Variants in ROBO2 observed in about 807,000 individuals in gnomAD.
The protein encoded by ROBO2 is roundabout guidance receptor 2.
A neutral mutation model predicts 160.8 loss-of-function variants in ROBO2; 53 were observed. The observed-to-expected ratio is 0.33, with a 90% confidence interval of 0.26 to 0.41. The LOEUF (loss-of-function observed/expected upper bound fraction) is 0.41, where lower values mean the gene tolerates loss of function less well. Ranked by LOEUF, ROBO2 falls within the 10% of genes least tolerant of loss-of-function variation. The pLI is 1.00. For synonymous variants in ROBO2, 664 were observed against 611.7 expected (o/e 1.09, Z -1.26); for missense variants, 1,577 against 1,722.4 (o/e 0.92, Z 1.49).
chr3:76,685,823 AT>A (rs1384227393), intron 2 of ROBO2, among the ~76,000 whole-genome samples: 1 of 152,186 alleles, frequency 6.6e-6, no homozygotes, highest in African/African-American at 2.4e-5. Flanking sequence ...ACAATGAATA[AT>A]AATGGAGGTA....
At chr3:76,281,167 TCCACATGTGGGAATACTACCAATTC>T (rs1304981525) in intron 2 of ROBO2, among the ~76,000 whole-genome samples, 4 of 151,514 alleles carry the variant, frequency 2.6e-5, no homozygotes, top group Non-Finnish European at 4.4e-5. Flanking sequence ...GCTATGCCAA[TCCACATGTGGGAATACTACCAATTC>T]CCACATGTGG....
intron 5 of ROBO2, among the ~76,000 whole-genome samples, chr3:77,497,553 G>A (rs961715936): frequency 3.3e-5 from 5 of 152,182 alleles, no homozygotes; most frequent in Admixed American, 2.6e-4. Context: ...ATTGGGTGAC[G>A]TGGGAAAGTA....
At chr3:77,171,867 C>G (rs1339462386) in intron 2 of ROBO2, among the ~76,000 whole-genome samples, 1 of 152,110 alleles carries the variant, frequency 6.6e-6, no homozygotes, top group South Asian at 2.1e-4. Flanking sequence ...CAAAGCCTAC[C>G]TTAATGTGTA....
chr3:77,607,838 T>C (rs2094554767), exon 21 of ROBO2: 1 of 1,613,998 alleles, frequency 6.2e-7, no homozygotes, highest in Non-Finnish European at 8.5e-7. Flanking sequence ...AAAACTCTTC[T>C]AAACCACAGA....
intron 2 of ROBO2, among the ~76,000 whole-genome samples, chr3:76,329,041 C>G (rs1024938218): frequency 2.0e-5 from 3 of 151,546 alleles, no homozygotes; most frequent in African/African-American, 7.3e-5. Context: ...TCCAGGGTCC[C>G]CAAAGGAGGC....
intron 2 of ROBO2, among the ~76,000 whole-genome samples, chr3:77,352,816 G>A (rs1050417518): frequency 1.3e-5 from 2 of 152,098 alleles, no homozygotes; most frequent in African/African-American, 2.4e-5. Context: ...CCCCAGATGT[G>A]GGAAGTTACT....
intron 2 of ROBO2, among the ~76,000 whole-genome samples, chr3:77,362,254 A>G (rs1055751917): frequency 1.3e-5 from 2 of 152,136 alleles, no homozygotes; most frequent in African/African-American, 4.8e-5. Context: ...GGATTTTGCA[A>G]TGGGGGAGAG....
intron 2 of ROBO2, among the ~76,000 whole-genome samples, chr3:76,171,547 G>C (rs933412729): frequency 6.6e-6 from 1 of 152,030 alleles, no homozygotes; most frequent in African/African-American, 2.4e-5. Flanking sequence ...TCAAAGGACC[G>C]GGAAGAAGGG....
intron 2 of ROBO2, among the ~76,000 whole-genome samples, chr3:76,494,236 AG>A (rs1211899801): frequency 1.3e-5 from 2 of 152,204 alleles, no homozygotes; most frequent in African/African-American, 4.8e-5. Flanking sequence ...TTCATGTGTA[AG>A]GGAGGCAAAA....
chr3:76,695,664 A>G (rs993395315), intron 2 of ROBO2, among the ~76,000 whole-genome samples: 10 of 152,168 alleles, frequency 6.6e-5, no homozygotes, highest in Middle Eastern at 3.2e-3. Flanking sequence ...ACCAAGTCCT[A>G]TTCCAAAAAC....
intron 5 of ROBO2, among the ~76,000 whole-genome samples, chr3:77,500,635 T>A (rs1040105770): frequency 1.3e-5 from 2 of 152,192 alleles, no homozygotes; most frequent in Non-Finnish European, 2.9e-5. Context: ...ACAGTTCAAG[T>A]TTACCTTCTT....
chr3:77,258,549 G>A (rs1019390887), intron 2 of ROBO2, among the ~76,000 whole-genome samples: 3 of 151,644 alleles, frequency 2.0e-5, no homozygotes, highest in Admixed American at 6.6e-5. Context: ...TTTGAACCCG[G>A]GAGGTTAAGA....
At chr3:76,611,269 G>A (rs1190776914) in intron 2 of ROBO2, among the ~76,000 whole-genome samples, 1 of 152,096 alleles carries the variant, frequency 6.6e-6, no homozygotes, top group African/African-American at 2.4e-5. Context: ...ATCCCTGTCT[G>A]CCTAGGAATT....
chr3:76,537,663 G>A (rs2082584523), intron 2 of ROBO2, among the ~76,000 whole-genome samples: 1 of 152,098 alleles, frequency 6.6e-6, no homozygotes, highest in African/African-American at 2.4e-5. Flanking sequence ...CCCTGTCCCT[G>A]GTTTCAGCAC....
chr3:76,021,953 G>A (rs751242241), intron 2 of ROBO2, among the ~76,000 whole-genome samples: 1 of 150,684 alleles, frequency 6.6e-6, no homozygotes, highest in Non-Finnish European at 1.5e-5. Context: ...CTGTTTGATA[G>A]CTTTTTCCCC....
intron 2 of ROBO2, among the ~76,000 whole-genome samples, chr3:77,009,945 T>TAAA (rs11436984): frequency 0.02 from 2,128 of 104,304 alleles, 56 homozygotes; most frequent in African/African-American, 0.022. Flanking sequence ...GACTCTGTCT[T>TAAA]AAAAAAAAAA....
chr3:77,229,509 A>AT lies in ROBO2; in HGVS notation c.388+131169_388+131170insT, dbSNP rs930724423. On this transcript the variant is annotated intron_variant, in intron 2 of 25. Transcript: ENST00000461745. ...TTTATTCTACTAAAAATTAAAAAAA[A>AT]ATATAGCCAGGTGTGGTGGTGGGCT... Among the ~76,000 whole-genome samples, 27 of 151,844 alleles carry AT rather than the reference A, an allele frequency of 1.8e-4. 1 individual carries two copies. Among genetic ancestry groups the AT allele is most frequent in the African/African-American group, 2.7e-4 (11 of 41,422 alleles).
chr3:76,163,048 G>T (rs1439642901), intron 2 of ROBO2, among the ~76,000 whole-genome samples: 1 of 152,098 alleles, frequency 6.6e-6, no homozygotes, highest in Non-Finnish European at 1.5e-5. Context: ...CAAGGTTACT[G>T]AAATCTCCCA....
chr3:76,198,954 T>C (rs1702388570), intron 2 of ROBO2, among the ~76,000 whole-genome samples: 1 of 152,206 alleles, frequency 6.6e-6, no homozygotes, highest in Non-Finnish European at 1.5e-5. Context: ...AATTGAACTG[T>C]ACCCCAACTA....
Sources: gnomAD v4.1 joint callset for allele counts (sites outside exome capture counted in the v4.1 genomes callset) on GRCh38, gnomAD v4.1.1 for gene constraint, MANE v1.5 for transcripts, NCBI Gene and HGNC (gene_info 2026-07-23, HGNC 2026-07-21) for gene names.